The following CNTN5 variants were observed in gnomAD, a reference collection of about 807,000 sequenced individuals.
The protein encoded by CNTN5 is contactin 5.
Under a neutral mutation model 129.1 loss-of-function variants are expected in CNTN5, and 77 were observed. The observed-to-expected ratio is 0.60, with a 90% confidence interval of 0.50 to 0.72. The LOEUF (loss-of-function observed/expected upper bound fraction) is 0.72. CNTN5 is among the 30% of genes least tolerant of loss of function. CNTN5 has a pLI of 0.00. For synonymous variants in CNTN5, 509 were observed against 465.6 expected, an observed-to-expected ratio of 1.09 and a Z score of -1.20; for missense variants, 1,478 against 1,328.8, an observed-to-expected ratio of 1.11 and a Z score of -1.75.
chr11:99,170,327 G>A lies in CNTN5; in HGVS notation c.-210+149057G>A, dbSNP rs571472934. Reference sequence around the variant, plus strand: ...GACGCACAGGTTAATATACACAAAGGTCGCAGTCAGATGTGTACCAAGGAA... The same window carrying A: ...GACGCACAGGTTAATATACACAAAGATCGCAGTCAGATGTGTACCAAGGAA... On this transcript the variant is annotated intron_variant, in intron 1 of 24. Transcript: ENST00000524871. 3.9e-5 allele frequency among the ~76,000 whole-genome samples: 6 copies of A among 152,256 alleles called. 1 individual carries two copies. In the South Asian group the frequency reaches 1.0e-3, roughly 26 times the overall value.
chr11:99,769,755 G>A (rs567714158), intron 3 of CNTN5, among the ~76,000 whole-genome samples: 27 of 150,194 alleles, frequency 1.8e-4, no homozygotes, highest in South Asian at 6.3e-4. Context: ...CAGAAGTTGC[G>A]CTGAGCTTCA....
intron 1 of CNTN5, among the ~76,000 whole-genome samples, chr11:99,181,532 C>A (rs554982433): frequency 1.3e-5 from 2 of 152,152 alleles, no homozygotes; most frequent in Non-Finnish European, 2.9e-5. Context: ...TAGCCAGTAC[C>A]GACTGCAGTT....
chr11:99,720,222 C>T (rs1943126431), intron 3 of CNTN5, among the ~76,000 whole-genome samples: 1 of 152,052 alleles, frequency 6.6e-6, no homozygotes, highest in Non-Finnish European at 1.5e-5. Context: ...ATAGCAACAA[C>T]AACAAAGAAA....
chr11:99,065,718 T>C (rs1003212643), intron 1 of CNTN5, among the ~76,000 whole-genome samples: 54 of 150,978 alleles, frequency 3.6e-4, no homozygotes, highest in African/African-American at 1.2e-3. Flanking sequence ...TGGACAGATA[T>C]ACAAACACAG....
intron 7 of CNTN5, among the ~76,000 whole-genome samples, chr11:99,935,615 C>T (rs1334219073): frequency 6.6e-6 from 1 of 151,700 alleles, no homozygotes; most frequent in East Asian, 1.9e-4. Context: ...ATATTATATA[C>T]ATATATGTAA....
intron 1 of CNTN5, among the ~76,000 whole-genome samples, chr11:99,083,894 A>G (rs1389505868): frequency 1.3e-5 from 2 of 152,166 alleles, no homozygotes; most frequent in African/African-American, 4.8e-5. Context: ...TCTAGGGTTG[A>G]GAGCCCTTAA....
chr11:99,382,845 CTTTTTTTTT>C (rs1163660333), intron 2 of CNTN5, among the ~76,000 whole-genome samples: 41 of 77,052 alleles, frequency 5.3e-4, no homozygotes, highest in African/African-American at 2.3e-3. Context: ...CTCTAAATAA[CTTTTTTTTT>C]TTTTTTTTTT....
chr11:99,489,556 T>TCA (rs1164094691), intron 2 of CNTN5, among the ~76,000 whole-genome samples: 7 of 152,218 alleles, frequency 4.6e-5, no homozygotes, highest in Non-Finnish European at 2.9e-5. Context: ...TACTGACACC[T>TCA]GTGATTAATG....
chr11:100,030,896 G>A (rs933777513), intron 9 of CNTN5, among the ~76,000 whole-genome samples: 2 of 152,130 alleles, frequency 1.3e-5, no homozygotes, highest in African/African-American at 4.8e-5. Context: ...GATGGATCTA[G>A]AGCTGGAAGA....
intron 1 of CNTN5, among the ~76,000 whole-genome samples, chr11:99,204,921 T>C (rs539159311): frequency 4.9e-4 from 75 of 152,298 alleles, no homozygotes; most frequent in South Asian, 6.2e-4. Flanking sequence ...CTAAGCTTGA[T>C]TGACATTCCA....
chr11:100,089,137 A>T (rs542498454), intron 13 of CNTN5, among the ~76,000 whole-genome samples: 4 of 152,228 alleles, frequency 2.6e-5, no homozygotes, highest in African/African-American at 9.6e-5. Flanking sequence ...TCTTCTTTTG[A>T]GAAGTGTCTG....
chr11:100,347,663 C>T (rs1459241118), intron 23 of CNTN5, among the ~76,000 whole-genome samples: 1 of 152,074 alleles, frequency 6.6e-6, no homozygotes, highest in Admixed American at 6.6e-5. Flanking sequence ...AGACACCCTG[C>T]AGGCAGTGAA....
Position 100,290,430 on chromosome 11 carries a change from C to A in CNTN5, c.2315-7195C>A, listed in dbSNP as rs1174186891. The stretch of plus-strand genomic sequence containing the variant: ...AGAGATATAGATCAATGGAACAGAA[C>A]AGAGCCCTCAGAAATAATGCCGCAT... On this transcript the variant is annotated intron_variant, in intron 18 of 24. Coordinates refer to ENST00000524871, the MANE Select transcript of CNTN5 (RefSeq NM_014361.4). Among the ~76,000 whole-genome samples the A allele has an allele frequency of 7.9e-4, 117 of 147,796 alleles. 1 individual carries two copies. The highest frequency in any genetic ancestry group is 3.9e-4 in the Non-Finnish European group (26 of 66,610).
Position 100,074,527 on chromosome 11 carries a change from GT to G in CNTN5, c.1580+237del, listed in dbSNP as rs1271487683. 29 of 404,402 alleles carry G rather than the reference GT, an allele frequency of 7.2e-5. 1 individual carries two copies. Among genetic ancestry groups the G allele is most frequent in the East Asian group, 4.6e-4 (11 of 23,966 alleles). 25.1% of individuals were successfully genotyped at this position (404,402 alleles called of 1,614,324 possible). On this transcript the variant is annotated intron_variant, in intron 13 of 24. Coordinates refer to ENST00000524871, the MANE Select transcript of CNTN5 (RefSeq NM_014361.4). ...TAGCATAAGTTGGATATTTCACTAG[GT>G]TTTGAAGAAAGTACTCTTTAATTAA... is the stretch of plus-strand genomic sequence containing the variant.
intron 3 of CNTN5, among the ~76,000 whole-genome samples, chr11:99,650,670 G>A (rs932054876): frequency 4.0e-5 from 6 of 151,832 alleles, no homozygotes; most frequent in African/African-American, 1.5e-4. Flanking sequence ...GCTGAATTTT[G>A]GAAGTACACT....
intron 1 of CNTN5, among the ~76,000 whole-genome samples, chr11:99,226,866 G>T (rs1860714688): frequency 6.6e-6 from 1 of 152,148 alleles, no homozygotes; most frequent in South Asian, 2.1e-4. Flanking sequence ...TTTTCTAGCT[G>T]TGTGATATTA....
chr11:100,083,370 C>G (rs931165971), intron 13 of CNTN5, among the ~76,000 whole-genome samples: 1 of 143,596 alleles, frequency 7.0e-6, no homozygotes, highest in Non-Finnish European at 1.5e-5. Context: ...TTTAAACAAC[C>G]ACATATTTAG....
chr11:99,911,021 A>G (rs1949645179), intron 6 of CNTN5, among the ~76,000 whole-genome samples: 1 of 152,110 alleles, frequency 6.6e-6, no homozygotes, highest in Admixed American at 6.6e-5. Context: ...CATAGAAATT[A>G]AAGTTGAAGG....
rs191198368 is a variant in CNTN5, at chr11:99,932,265, T to G, written c.673+16116T>G. Among the ~76,000 whole-genome samples the G allele has an allele frequency of 1.2e-3, 181 of 152,222 alleles. 1 individual carries two copies. Among genetic ancestry groups the G allele is most frequent in the Non-Finnish European group, 1.5e-3 (103 of 67,996 alleles). On this transcript the variant is annotated intron_variant, in intron 7 of 24. Coordinates refer to ENST00000524871, the MANE Select transcript of CNTN5 (RefSeq NM_014361.4). Reference sequence around the variant, plus strand: ...TGGAGTTCAATGGGTCGATCTCGGCTCACTGCAACCTTCGCCTCCCGGGTT... The same window carrying G: ...TGGAGTTCAATGGGTCGATCTCGGCGCACTGCAACCTTCGCCTCCCGGGTT...
Sources: allele counts gnomAD v4.1 joint callset (sites outside exome capture counted in the v4.1 genomes callset), GRCh38; gene constraint gnomAD v4.1.1; transcripts MANE v1.5; gene names NCBI Gene and HGNC (gene_info 2026-07-23, HGNC 2026-07-21).